The following RAP1GAP2 variants were observed in gnomAD, a reference collection of about 807,000 sequenced individuals.
RAP1GAP2 encodes the protein rap1 GTPase-activating protein 2.
Under a neutral mutation model 95.0 loss-of-function variants are expected in RAP1GAP2, and 27 were observed. That is an observed-to-expected ratio of 0.28 (90% confidence interval 0.21 to 0.39). RAP1GAP2 has a LOEUF of 0.39. Among genes scored for constraint, RAP1GAP2 ranks in the 10% least tolerant of loss-of-function variants. The pLI is 1.00. For synonymous variants in RAP1GAP2, 373 were observed against 380.9 expected (o/e 0.98, Z 0.24); for missense variants, 771 against 970.0 (o/e 0.79, Z 2.72).
chr17:2,837,339 T>C (rs2071175974), intron 2 of RAP1GAP2, among the ~76,000 whole-genome samples: 1 of 150,220 alleles, frequency 6.7e-6, no homozygotes, highest in South Asian at 2.1e-4. Context: ...GCTGGGTAGG[T>C]TGAGAAAGGG....
rs571446338 is a variant in RAP1GAP2, at chr17:2,771,487, T to G, written c.167+1042T>G. 1.1e-4 allele frequency among the ~76,000 whole-genome samples: 10 copies of G among 92,884 alleles called. No individual in the cohort carries two copies. The East Asian group carries it at 2.5e-3, about 23-fold the overall frequency. 60.9% of individuals were successfully genotyped at this position (92,884 alleles called of 152,430 possible). A position where few individuals can be genotyped will look rare whatever the true frequency, so the allele number is the denominator to read the frequency against. On this transcript the variant is annotated intron_variant, in intron 2 of 25. Transcript: ENST00000637138. ...TTTCCCCATCAAAGCCACTTTTTTGTTTTTTTTTTTTGTTTTTTTTTTTTA... is the reference window on the plus strand; with the variant it reads ...TTTCCCCATCAAAGCCACTTTTTTGGTTTTTTTTTTTGTTTTTTTTTTTTA...
At chr17:2,889,189 G>C (rs988028079) in intron 2 of RAP1GAP2, among the ~76,000 whole-genome samples, 1 of 152,130 alleles carries the variant, frequency 6.6e-6, no homozygotes, top group Non-Finnish European at 1.5e-5. Flanking sequence ...GCTCACTTAC[G>C]TTCCCACCAA....
chr17:3,010,667 G>T (rs187184824), intron 17 of RAP1GAP2, among the ~76,000 whole-genome samples: 1 of 152,226 alleles, frequency 6.6e-6, no homozygotes, highest in East Asian at 1.9e-4. Context: ...GACTCGAGGG[G>T]GTCTGACGTA....
At chr17:2,968,848 AGTC>A (rs1446307538) in intron 8 of RAP1GAP2, among the ~76,000 whole-genome samples, 5 of 152,148 alleles carry the variant, frequency 3.3e-5, no homozygotes, top group African/African-American at 1.2e-4. Flanking sequence ...AAATTAGAAA[AGTC>A]AAATACAAAA....
At chr17:2,861,649 T>C (rs1242493479) in intron 2 of RAP1GAP2, among the ~76,000 whole-genome samples, 2 of 110,008 alleles carry the variant, frequency 1.8e-5, no homozygotes, top group Non-Finnish European at 2.0e-5. Flanking sequence ...TGTATTTTTT[T>C]TGGGGGGGGG....
chr17:2,927,190 G>A (rs2042984388), intron 3 of RAP1GAP2, among the ~76,000 whole-genome samples: 1 of 150,232 alleles, frequency 6.7e-6, no homozygotes, highest in Non-Finnish European at 1.5e-5. Context: ...ATCTCGCTCT[G>A]TCACCCAGGC....
At chr17:2,849,427 C>G (rs903493013) in intron 2 of RAP1GAP2, among the ~76,000 whole-genome samples, 15 of 152,206 alleles carry the variant, frequency 9.9e-5, no homozygotes, top group Non-Finnish European at 1.9e-4. Flanking sequence ...GGCTGATTCC[C>G]GCTTTCTCAT....
chr17:2,851,265 G>A (rs1242750268), intron 2 of RAP1GAP2, among the ~76,000 whole-genome samples: 3 of 152,086 alleles, frequency 2.0e-5, no homozygotes, highest in South Asian at 2.1e-4. Flanking sequence ...TGTTTGTTTC[G>A]GGCAGGGATG....
chr17:2,761,592 G>C (rs2151756300), intron 1 of RAP1GAP2, among the ~76,000 whole-genome samples: 1 of 152,056 alleles, frequency 6.6e-6, no homozygotes, highest in Non-Finnish European at 1.5e-5. Context: ...CCGGCCAGGG[G>C]GGTGCCATTC....
chr17:3,021,015 G>T (rs2046940498), intron 19 of RAP1GAP2, among the ~76,000 whole-genome samples: 1 of 152,012 alleles, frequency 6.6e-6, no homozygotes, highest in Non-Finnish European at 1.5e-5. Context: ...ACATTACATT[G>T]AACCTGTTCT....
chr17:2,838,099 A>C (rs1387008976), intron 2 of RAP1GAP2, among the ~76,000 whole-genome samples: 1 of 134,300 alleles, frequency 7.4e-6, no homozygotes, highest in Non-Finnish European at 1.5e-5. Context: ...GCTCACTGCA[A>C]CCTCCGCCTC....
intron 2 of RAP1GAP2, among the ~76,000 whole-genome samples, chr17:2,861,329 A>C (rs1188752036): frequency 6.6e-6 from 1 of 151,926 alleles, no homozygotes; most frequent in Non-Finnish European, 1.5e-5. Context: ...ACTGTTTCAG[A>C]GCGGGAACTT....
At chr17:2,757,452 G>A (rs2071168610) in intron 1 of RAP1GAP2, among the ~76,000 whole-genome samples, 1 of 152,142 alleles carries the variant, frequency 6.6e-6, no homozygotes, top group Admixed American at 6.6e-5. Context: ...ATTACCTCAG[G>A]GGAGGTGGGC....
intron 3 of RAP1GAP2, among the ~76,000 whole-genome samples, chr17:2,929,553 G>C (rs546097408): frequency 6.6e-6 from 1 of 152,138 alleles, no homozygotes; most frequent in African/African-American, 2.4e-5. Context: ...GTCATTCCTC[G>C]TAGGGATCGT....
At chr17:2,802,246 C>T (rs1036159651) in intron 2 of RAP1GAP2, among the ~76,000 whole-genome samples, 1 of 152,166 alleles carries the variant, frequency 6.6e-6, no homozygotes, top group Non-Finnish European at 1.5e-5. Context: ...GGATGCAGGT[C>T]CCTGGGCAAA....
intron 2 of RAP1GAP2, among the ~76,000 whole-genome samples, chr17:2,804,699 T>C (rs983706969): frequency 1.3e-5 from 2 of 152,198 alleles, no homozygotes; most frequent in East Asian, 1.9e-4. Flanking sequence ...AGTTGGACAC[T>C]CAGAAGCAAG....
At chr17:3,032,378 T>TA in intron 23 of RAP1GAP2, 33 bp from the exon 24 acceptor site, 1 of 1,613,840 alleles carries the variant, frequency 6.2e-7, no homozygotes, top group Non-Finnish European at 8.5e-7. Flanking sequence ...TGTCTGGTTA[T>TA]TTAAACTCCT....
At chr17:2,999,419 T>C (rs2046078220) in intron 14 of RAP1GAP2, among the ~76,000 whole-genome samples, 2 of 152,154 alleles carry the variant, frequency 1.3e-5, no homozygotes, top group Non-Finnish European at 2.9e-5. Flanking sequence ...AGAGAGGCCA[T>C]ACCTTAAATT....
chr17:2,929,116 C>A (rs1049912856), intron 3 of RAP1GAP2, among the ~76,000 whole-genome samples: 19 of 152,188 alleles, frequency 1.2e-4, no homozygotes, highest in Non-Finnish European at 8.8e-5. Context: ...CCCTGTAGTC[C>A]CAACTACTTG....
Sources: allele counts gnomAD v4.1 joint callset (sites outside exome capture counted in the v4.1 genomes callset), GRCh38; gene constraint gnomAD v4.1.1; transcripts MANE v1.5; gene names NCBI Gene and HGNC (gene_info 2026-07-23, HGNC 2026-07-21).